RERGL: variants seen among roughly 807,000 people sequenced by gnomAD.
RERGL encodes RERG like.
RERGL carries 22 observed loss-of-function variants against 24.7 expected under a neutral mutation model. The observed-to-expected ratio is 0.89, with a 90% CI of 0.64 to 1.27. The LOEUF is 1.27. Ranked by LOEUF, RERGL falls within the 50% of genes most tolerant of loss-of-function variation. The probability of loss-of-function intolerance (pLI) is 0.00; values close to 1 mark genes in which losing one functional copy is unlikely to be tolerated. For synonymous variants in RERGL, 76 were observed against 82.6 expected, an observed-to-expected ratio of 0.92 and a Z score of 0.43; for missense variants, 259 against 235.3, an observed-to-expected ratio of 1.10 and a Z score of -0.66.
At chr12:18,086,285 C>T (rs1428171711) in intron 2 of RERGL, among the ~76,000 whole-genome samples, 3 of 152,062 alleles carry the variant, frequency 2.0e-5, no homozygotes, top group Non-Finnish European at 4.4e-5. Context: ...GTGTTTCCAT[C>T]TAAAGTAAAT....
chr12:18,085,721 G>A (rs761391369), intron 2 of RERGL, 28 bp from the exon 3 acceptor site: 37 of 1,294,480 alleles, frequency 2.9e-5, no homozygotes, highest in Admixed American at 1.9e-5. Context: ...TCCACTGTCA[G>A]TATGAAAATA....
chr12:18,081,112 G>A lies in RERGL; in HGVS notation c.*79C>T. ...GAATTCTTTTTACCAAAAAAAAATT[G>A]CATACAAAGGTTAGTTTAATTATCA... On this transcript the variant is annotated 3_prime_UTR_variant, in exon 5 of 5. Coordinates refer to ENST00000538724, the MANE Select transcript of RERGL (RefSeq NM_001286201.2). 1 of 1,287,326 alleles carries A rather than the reference G, an allele frequency of 7.8e-7. No individual in the cohort carries two copies. Among genetic ancestry groups the A allele is most frequent in the Admixed American group, 2.5e-5 (1 of 40,654 alleles). The allele number at this position is 1,287,326 out of a possible 1,614,324, so 79.7% of individuals were successfully genotyped here. A position where few individuals can be genotyped will look rare whatever the true frequency, so the allele number is the denominator to read the frequency against.
Position 18,089,257 on chromosome 12 carries a change from A to C in RERGL, c.53-301T>G, listed in dbSNP as rs146689603. 3 of 1,608,082 alleles carry C rather than the reference A, an allele frequency of 1.9e-6. No individual in the cohort carries two copies. In the African/African-American group the frequency reaches 4.0e-5, roughly 22 times the overall value. On this transcript the variant is annotated intron_variant, in intron 1 of 4. Transcript: ENST00000538724. The stretch of plus-strand genomic sequence containing the variant: ...TTGTAACAGAAACAGATTTCTCATT[A>C]TATTTGAGATGCAAGAAGTTTGACA...
Position 18,081,056 on chromosome 12 carries a change from G to C in RERGL, c.*135C>G. On this transcript the variant is annotated 3_prime_UTR_variant, in exon 5 of 5. Transcript: ENST00000538724. Reference sequence around the variant, plus strand: ...CTACATATTTGAAAACACAGCTGTGGTTCATACTCAATCATTTCATATCTC... The same window carrying C: ...CTACATATTTGAAAACACAGCTGTGCTTCATACTCAATCATTTCATATCTC... 1 of 786,226 alleles carries C rather than the reference G, an allele frequency of 1.3e-6. No individual in the cohort carries two copies. The highest frequency in any genetic ancestry group is 2.0e-6 in the Non-Finnish European group (1 of 510,900). The allele number at this position is 786,226 out of a possible 1,614,324, so 48.7% of individuals were successfully genotyped here.
chr12:18,088,004 T>C (rs879880006), intron 2 of RERGL, among the ~76,000 whole-genome samples: 1 of 152,146 alleles, frequency 6.6e-6, no homozygotes, highest in Non-Finnish European at 1.5e-5. Flanking sequence ...TTTTCTGAGA[T>C]ACTCCAATTA....
At chr12:18,084,735 A>G in intron 3 of RERGL, 70 bp from the exon 4 acceptor site, 3 of 1,294,302 alleles carry the variant, frequency 2.3e-6, no homozygotes, top group Non-Finnish European at 3.2e-6. Context: ...TAAACAGTTA[A>G]CTAATGGAGA....
At chr12:18,081,527 T>TAAAAA in intron 4 of RERGL, 54 bp from the exon 5 acceptor site, 2 of 1,093,860 alleles carry the variant, frequency 1.8e-6, no homozygotes, top group African/African-American at 1.6e-5. Flanking sequence ...CTCTTTTTTT[T>TAAAAA]AAAAAAAAAA....
intron 3 of RERGL, among the ~76,000 whole-genome samples, chr12:18,085,137 T>G (rs1947207602): frequency 6.6e-6 from 1 of 152,210 alleles, no homozygotes; most frequent in African/African-American, 2.4e-5. Flanking sequence ...TACAGTTGTT[T>G]TGAAACCCTG....
intron 4 of RERGL, among the ~76,000 whole-genome samples, chr12:18,084,032 T>G (rs1947196174): frequency 6.6e-6 from 1 of 152,146 alleles, no homozygotes; most frequent in South Asian, 2.1e-4. Context: ...GGAGGTAAAA[T>G]GGAGAAAAAT....
At position 18,081,183 on chromosome 12, in the gene RERGL, C is replaced by G. The variant is rs1315814543; in HGVS notation, c.*8G>C. ...TGATATAGGAAATCTCCCAGGATTA[C>G]CTGTCTACTAAACAGATTTCCTTCT... On this transcript the variant is annotated 3_prime_UTR_variant, in exon 5 of 5. Coordinates refer to ENST00000538724, the MANE Select transcript of RERGL (RefSeq NM_001286201.2). 2 of 1,586,906 alleles carry G rather than the reference C, an allele frequency of 1.3e-6. No homozygotes were observed. The highest frequency in any genetic ancestry group is 1.7e-6 in the Non-Finnish European group (2 of 1,161,680).
chr12:18,087,626 T>C (rs1446827552), intron 2 of RERGL, among the ~76,000 whole-genome samples: 1 of 152,202 alleles, frequency 6.6e-6, no homozygotes, highest in East Asian at 1.9e-4. Flanking sequence ...TCTAGGTCTT[T>C]TATTTTTCAT....
rs1947244063 is a variant in RERGL, at chr12:18,088,908, G to C, written c.101C>G (p.Ser34Cys). ...LTKRFIGEYA[S>C]NFESIYKKHL... Reference sequence around the variant, plus strand: ...CTAGAGTAGTGACTTACCAAAATTAGAAGCATATTCTCCAATGAATCGCTT... The same window carrying C: ...CTAGAGTAGTGACTTACCAAAATTACAAGCATATTCTCCAATGAATCGCTT... The change falls in exon 2 of 5, where the codon TCT becomes TGT. Residue 34 changes from serine to cysteine, a missense_variant. Ser to Cys is a moderately radical substitution (Grantham distance 112). Coordinates refer to ENST00000538724, the MANE Select transcript of RERGL (RefSeq NM_001286201.2). The C allele has an allele frequency of 6.2e-7, 1 of 1,604,370 alleles. No homozygotes were observed. Among genetic ancestry groups the C allele is most frequent in the Non-Finnish European group, 8.5e-7 (1 of 1,171,618 alleles).
chr12:18,082,215 A>G (rs1947180823), intron 4 of RERGL, among the ~76,000 whole-genome samples: 1 of 151,962 alleles, frequency 6.6e-6, no homozygotes, highest in African/African-American at 2.4e-5. Context: ...CATTATCTTT[A>G]GTAAACTGAT....
At chr12:18,083,852 C>T (rs1437268860) in intron 4 of RERGL, among the ~76,000 whole-genome samples, 5 of 152,066 alleles carry the variant, frequency 3.3e-5, no homozygotes, top group African/African-American at 9.7e-5. Context: ...TAAATACTTT[C>T]AATGGAAAAG....
chr12:18,089,697 T>G (rs751915405), intron 1 of RERGL, among the ~76,000 whole-genome samples: 9 of 152,106 alleles, frequency 5.9e-5, no homozygotes, highest in Non-Finnish European at 1.2e-4. Flanking sequence ...TACCCCAGTT[T>G]CAGAGCAGAT....
Position 18,088,814 on chromosome 12 carries a change from C to T in RERGL, c.109+86G>A, listed in dbSNP as rs556387133. 1.1e-4 allele frequency: 95 copies of T among 863,100 alleles called. 2 individuals carry two copies. In the South Asian group the frequency reaches 1.2e-3, roughly 11 times the overall value. The allele number at this position is 863,100 out of a possible 1,614,324, so 53.5% of individuals were successfully genotyped here. On this transcript the variant is annotated intron_variant, in intron 2 of 4. Coordinates refer to ENST00000538724, the MANE Select transcript of RERGL (RefSeq NM_001286201.2). ...TTCATATGCATAAAAATGGTATAGT[C>T]TATCAAAATGCATCTCTGTACTTAA...
intron 1 of RERGL, chr12:18,089,488 G>T: frequency 1.5e-6 from 1 of 673,566 alleles, no homozygotes; most frequent in Non-Finnish European, 2.2e-6. Flanking sequence ...AGGCTCAAGT[G>T]ACCCTATTGG....
intron 4 of RERGL, among the ~76,000 whole-genome samples, chr12:18,083,215 T>C (rs537711040): frequency 6.6e-6 from 1 of 152,202 alleles, no homozygotes; most frequent in African/African-American, 2.4e-5. Context: ...TTTAATGAAA[T>C]AGTGATATAT....
intron 3 of RERGL, 34 bp downstream of exon 3, chr12:18,085,586 T>C: frequency 1.5e-6 from 2 of 1,302,982 alleles, no homozygotes; most frequent in Non-Finnish European, 2.2e-6. Flanking sequence ...AATCAATAAA[T>C]AAATCAATAA....
Sources: allele counts gnomAD v4.1 joint callset (sites outside exome capture counted in the v4.1 genomes callset), GRCh38; gene constraint gnomAD v4.1.1; transcripts MANE v1.5; gene names NCBI Gene and HGNC (gene_info 2026-07-23, HGNC 2026-07-21).